Variants in GABBR2 observed in about 807,000 individuals in gnomAD.
The protein encoded by GABBR2 is G-protein coupled receptor 51.
Under a neutral mutation model 105.6 loss-of-function variants are expected in GABBR2, and 23 were observed. That is an observed-to-expected ratio of 0.22 (90% confidence interval 0.16 to 0.31). The LOEUF (loss-of-function observed/expected upper bound fraction) is 0.31, where lower values mean the gene tolerates loss of function less well. Ranked by LOEUF, GABBR2 falls within the 10% of genes least tolerant of loss-of-function variation. The probability of loss-of-function intolerance (pLI) is 1.00; values close to 1 mark genes in which losing one functional copy is unlikely to be tolerated. For missense variants in GABBR2, 734 were observed against 1,245.5 expected, an observed-to-expected ratio of 0.59 and a Z score of 6.18; for synonymous variants, 478 against 499.7, an observed-to-expected ratio of 0.96 and a Z score of 0.58.
intron 3 of GABBR2, among the ~76,000 whole-genome samples, chr9:98,520,358 G>A (rs999400437): frequency 3.3e-5 from 5 of 152,318 alleles, no homozygotes; most frequent in African/African-American, 7.2e-5. Flanking sequence ...TATACCTCAC[G>A]AAACCCCAAG....
At chr9:98,425,624 C>G (rs1351910149) in intron 7 of GABBR2, among the ~76,000 whole-genome samples, 1 of 152,196 alleles carries the variant, frequency 6.6e-6, no homozygotes, top group Non-Finnish European at 1.5e-5. Context: ...CCTGGGCAAA[C>G]CAGGTGGGCC....
chr9:98,513,655 A>T (rs1193337367), intron 3 of GABBR2, among the ~76,000 whole-genome samples: 2 of 152,198 alleles, frequency 1.3e-5, no homozygotes, highest in Non-Finnish European at 2.9e-5. Context: ...CACATGAAAA[A>T]ATGCTCATCA....
intron 1 of GABBR2, among the ~76,000 whole-genome samples, chr9:98,687,172 C>T (rs979806527): frequency 1.3e-5 from 2 of 151,482 alleles, no homozygotes; most frequent in African/African-American, 4.9e-5. Flanking sequence ...GGCAAGAGAC[C>T]TCAGTCTAGA....
intron 1 of GABBR2, among the ~76,000 whole-genome samples, chr9:98,597,967 G>C (rs191630272): frequency 2.0e-5 from 3 of 151,976 alleles, no homozygotes; most frequent in African/African-American, 7.3e-5. Flanking sequence ...ATTTACATGT[G>C]TGCACCACCA....
In GABBR2 at chr9:98,665,276, ATC is replaced by A. The variant is rs55873825; in HGVS notation, c.321+43139_321+43140del. On this transcript the variant is annotated intron_variant, in intron 1 of 18. Coordinates refer to ENST00000259455, the MANE Select transcript of GABBR2 (RefSeq NM_005458.8). ...AGGGTGAGTCAGTCTCTCTCTCTCA[ATC>A]TCTCTCTCTCTCTCTCTCTCTCTCG... Among the ~76,000 whole-genome samples the A allele has an allele frequency of 1.3e-3, 194 of 149,344 alleles. 2 individuals carry two copies. Among genetic ancestry groups the A allele is most frequent in the African/African-American group, 3.0e-3 (121 of 40,620 alleles).
intron 8 of GABBR2, among the ~76,000 whole-genome samples, chr9:98,402,081 TA>T (rs1832404213): frequency 6.6e-6 from 1 of 152,176 alleles, no homozygotes; most frequent in Non-Finnish European, 1.5e-5. Context: ...TGCCAAAATA[TA>T]AAACTCCAAA....
At chr9:98,532,899 C>T (rs1011286412) in intron 3 of GABBR2, among the ~76,000 whole-genome samples, 2 of 152,180 alleles carry the variant, frequency 1.3e-5, no homozygotes, top group South Asian at 2.1e-4. Flanking sequence ...CACAAACTAC[C>T]GTGTGTGCAT....
At chr9:98,317,089 G>T (rs755187023) in intron 13 of GABBR2, among the ~76,000 whole-genome samples, 2 of 152,242 alleles carry the variant, frequency 1.3e-5, no homozygotes, top group South Asian at 4.1e-4. Flanking sequence ...ATATTCAACA[G>T]TGGCTTCCCC....
intron 2 of GABBR2, among the ~76,000 whole-genome samples, chr9:98,572,369 C>A (rs1311397765): frequency 6.6e-6 from 1 of 152,214 alleles, no homozygotes; most frequent in African/African-American, 2.4e-5. Context: ...CACAAGGAAA[C>A]AGAAACAACT....
At chr9:98,453,306 G>A (rs913694103) in intron 7 of GABBR2, among the ~76,000 whole-genome samples, 4 of 152,242 alleles carry the variant, frequency 2.6e-5, no homozygotes, top group Non-Finnish European at 5.9e-5. Flanking sequence ...GATTACAGGC[G>A]TGAGCCACCA....
chr9:98,391,294 T>C (rs965881985), intron 9 of GABBR2, among the ~76,000 whole-genome samples: 1 of 152,188 alleles, frequency 6.6e-6, no homozygotes, highest in Non-Finnish European at 1.5e-5. Flanking sequence ...TCCCACTTGA[T>C]CCACCCAACA....
At chr9:98,418,767 G>A (rs751523555) in intron 7 of GABBR2, among the ~76,000 whole-genome samples, 1 of 152,190 alleles carries the variant, frequency 6.6e-6, no homozygotes, top group Admixed American at 6.5e-5. Flanking sequence ...GAACTGACCA[G>A]AGCAGTGGCT....
chr9:98,627,165 C>T (rs1273400982), intron 1 of GABBR2, among the ~76,000 whole-genome samples: 1 of 152,074 alleles, frequency 6.6e-6, no homozygotes, highest in Non-Finnish European at 1.5e-5. Flanking sequence ...GGACAGTGAC[C>T]CCCAATGTCA....
rs558019271 is a variant in GABBR2, at chr9:98,697,480, C to G, written c.321+10937G>C. On this transcript the variant is annotated intron_variant, in intron 1 of 18. Transcript: ENST00000259455. The stretch of plus-strand genomic sequence containing the variant: ...CACTCCAGCCTGGGCGACAGAGCGA[C>G]ACTCCGTCTCAAAAAAAAAAAAAAG... Among the ~76,000 whole-genome samples the G allele has an allele frequency of 2.0e-4, 23 of 116,036 alleles. No homozygotes were observed. In the South Asian group the frequency reaches 6.0e-3, roughly 30 times the overall value. The allele number at this position is 116,036 out of a possible 152,430, so 76.1% of individuals were successfully genotyped here.
In GABBR2 at chr9:98,299,239, A is replaced by C. The variant is rs1252422400; in HGVS notation, c.2527T>G (p.Phe843Val). 6.2e-7 allele frequency: 1 copy of C among 1,614,072 alleles called. No individual in the cohort carries two copies. The highest frequency in any genetic ancestry group is 1.1e-5 in the South Asian group (1 of 91,070). The change falls in exon 17 of 19, where the codon TTC (phenylalanine) becomes GTC (valine). Residue 843 changes from phenylalanine to valine, a missense_variant. By Grantham distance (50) the Phe-to-Val change is conservative. Around this residue, in one of 7 missense-constraint regions of GABBR2, gnomAD observed 134 missense variants for 171.2 expected, o/e 0.78. Coordinates refer to ENST00000259455, the MANE Select transcript of GABBR2 (RefSeq NM_005458.8). ...GCTCTCTTACCTGTGCTCTCAGTGA[A>C]GTTTCCCAGGTTGAGGATGTCATTG... ...ELNDILNLGN[F>V]TESTDGGKAI...
At chr9:98,590,886 T>C (rs1017300925) in intron 1 of GABBR2, among the ~76,000 whole-genome samples, 36 of 152,020 alleles carry the variant, frequency 2.4e-4, no homozygotes, top group Admixed American at 1.3e-4. Flanking sequence ...TAGTAAATGG[T>C]GTAATGGAGG....
Position 98,596,474 on chromosome 9 carries a change from T to C in GABBR2, c.322-18402A>G, listed in dbSNP as rs190158079. On this transcript the variant is annotated intron_variant, in intron 1 of 18. Transcript: ENST00000259455. Reference sequence around the variant, plus strand: ...TTCTCGGGCTTCACATTTATATAGCTAAGAAGGACCAGGACCACACCTGCC... The same window carrying C: ...TTCTCGGGCTTCACATTTATATAGCCAAGAAGGACCAGGACCACACCTGCC... 1.6e-3 allele frequency among the ~76,000 whole-genome samples: 247 copies of C among 152,188 alleles called. 2 individuals carry two copies. Among genetic ancestry groups the C allele is most frequent in the African/African-American group, 5.2e-3 (216 of 41,516 alleles).
intron 1 of GABBR2, among the ~76,000 whole-genome samples, chr9:98,609,746 T>C (rs1829478843): frequency 6.6e-6 from 1 of 152,168 alleles, no homozygotes; most frequent in South Asian, 2.1e-4. Flanking sequence ...CCAGGCTCCT[T>C]GGGTGCCAGT....
chr9:98,407,246 C>T (rs759180341), intron 7 of GABBR2, among the ~76,000 whole-genome samples: 2 of 152,188 alleles, frequency 1.3e-5, no homozygotes, highest in Admixed American at 1.3e-4. Context: ...CTGGGTTCCA[C>T]TGAAGTCTTG....
Sources: gnomAD v4.1 joint callset for allele counts (sites outside exome capture counted in the v4.1 genomes callset) on GRCh38, gnomAD v4.1.1 for gene constraint, gnomAD v4.1.1 regional missense constraint, MANE v1.5 for transcripts, NCBI Gene and HGNC (gene_info 2026-07-23, HGNC 2026-07-21) for gene names.